Variants in GGA2 observed in about 807,000 individuals in gnomAD.
GGA2 encodes golgi associated, gamma adaptin ear containing, ARF binding protein 2, also known as ADP-ribosylation factor-binding protein GGA2.
GGA2 carries 48 observed loss-of-function variants against 79.5 expected under a neutral mutation model. The ratio of observed to expected loss-of-function variants is 0.60; its 90% CI spans 0.48 to 0.77. The LOEUF is 0.77. Ranked by LOEUF, GGA2 falls within the 30% of genes least tolerant of loss-of-function variation. The probability of loss-of-function intolerance (pLI) is 0.00; values close to 1 mark genes in which losing one functional copy is unlikely to be tolerated. For synonymous variants in GGA2, 317 were observed against 302.0 expected (o/e 1.05, Z -0.51); for missense variants, 770 against 774.0 (o/e 0.99, Z 0.06).
Position 23,491,765 on chromosome 16 carries a change from T to TC in GGA2, c.386dup (p.Arg130LysfsTer4), listed in dbSNP as rs1964791483. ...AACTGAAGAGTATTTCAATGACTCT[T>TC]CCTTTAACTTTTCCTGTGGCCCAGG... On this transcript the variant is annotated frameshift_variant, in exon 5 of 17. Coordinates refer to ENST00000309859, the MANE Select transcript of GGA2 (RefSeq NM_015044.4). LOFTEE classifies it high-confidence loss of function. 1.2e-6 allele frequency: 2 copies of TC among 1,612,576 alleles called. No individual in the cohort carries two copies. Among genetic ancestry groups the TC allele is most frequent in the South Asian group, 1.1e-5 (1 of 91,032 alleles).
At chr16:23,521,470 G>A (rs748032931) in intron 1 of GGA2, among the ~76,000 whole-genome samples, 1 of 151,504 alleles carries the variant, frequency 6.6e-6, no homozygotes, top group South Asian at 2.1e-4. Context: ...TGCATTCATA[G>A]CTCACTGCAG....
chr16:23,470,142 A>G lies in GGA2; in HGVS notation c.1474T>C (p.Tyr492His). The G allele has an allele frequency of 6.2e-7, 1 of 1,605,106 alleles. No homozygotes were observed. The highest frequency in any genetic ancestry group is 8.5e-7 in the Non-Finnish European group (1 of 1,176,492). Residue 492 changes from tyrosine to histidine, a missense_variant, in exon 15 of 17, where the codon TAT becomes CAT. By Grantham distance (83) the Tyr-to-His change is moderately conservative. Coordinates refer to ENST00000309859, the MANE Select transcript of GGA2 (RefSeq NM_015044.4). The part of the protein sequence containing the change: ...KPSSLPPLIV[Y>H]DRNGFRILLH... ...AGAATTCTGAATCCATTCCGGTCAT[A>G]CACAATGAGAGGCGGCAGGCTGCCT... is the stretch of plus-strand genomic sequence containing the variant.
intron 6 of GGA2, among the ~76,000 whole-genome samples, chr16:23,487,191 A>T (rs1964726450): frequency 6.6e-6 from 1 of 152,096 alleles, no homozygotes; most frequent in Non-Finnish European, 1.5e-5. Context: ...CATGTTGGCC[A>T]GGATGGTCTC....
At chr16:23,521,752 G>A (rs759940027) in intron 1 of GGA2, 6 of 449,462 alleles carry the variant, frequency 1.3e-5, no homozygotes, top group Non-Finnish European at 2.2e-5. Flanking sequence ...TACCAGAATC[G>A]ACTTAGTATT....
intron 1 of GGA2, among the ~76,000 whole-genome samples, chr16:23,507,397 A>G (rs180692556): frequency 1.3e-5 from 2 of 152,304 alleles, no homozygotes; most frequent in African/African-American, 4.8e-5. Context: ...GGAGGCCAAG[A>G]CTGGCAGATA....
In GGA2 at chr16:23,488,670, A is replaced by G; in HGVS notation, c.515T>C (p.Ile172Thr). 6.2e-7 allele frequency: 1 copy of G among 1,610,028 alleles called. No individual in the cohort carries two copies. ...GGGCCAGGGAGATGGTGGGGGTAAG[A>G]TTTTATCCACTGGTAGTTTAGGGTC... ...KQDPKLPVDK[I>T]LPPPSPWPKS... The change falls in exon 6 of 17, where the codon ATC becomes ACC. Residue 172 changes from isoleucine to threonine, a missense_variant. Transcript: ENST00000309859.
At chr16:23,469,806 T>C (rs113556190) in intron 15 of GGA2, among the ~76,000 whole-genome samples, 190 bp downstream of exon 15, 2 of 152,192 alleles carry the variant, frequency 1.3e-5, no homozygotes, top group East Asian at 1.9e-4. Context: ...TAAGAACCTA[T>C]TTGGATTCAC....
chr16:23,474,509 C>T (rs1231203192), intron 14 of GGA2, among the ~76,000 whole-genome samples: 1 of 152,132 alleles, frequency 6.6e-6, no homozygotes, highest in Non-Finnish European at 1.5e-5. Flanking sequence ...AGGCATGCAC[C>T]ACCATGTCCA....
At chr16:23,472,747 G>A (rs1396274417) in intron 14 of GGA2, among the ~76,000 whole-genome samples, 1 of 151,436 alleles carries the variant, frequency 6.6e-6, no homozygotes, top group Non-Finnish European at 1.5e-5. Context: ...AAAAAAGACT[G>A]AATAGGGCCG....
At chr16:23,511,316 CTA>C (rs1965057889), upstream of GGA2, among the ~76,000 whole-genome samples, 1 of 36,898 alleles carries the variant, frequency 2.7e-5, no homozygotes, top group South Asian at 6.5e-4. Context: ...CCACACCCAG[CTA>C]TTTTTTTTTT....
chr16:23,487,005 C>T (rs1964723411), intron 6 of GGA2, among the ~76,000 whole-genome samples: 1 of 82,118 alleles, frequency 1.2e-5, no homozygotes, highest in African/African-American at 3.9e-5. Context: ...TTTTTTGAGA[C>T]GGGGTCTTGC....
At chr16:23,489,952 G>A (rs1964762206) in intron 5 of GGA2, among the ~76,000 whole-genome samples, 2 of 152,150 alleles carry the variant, frequency 1.3e-5, no homozygotes, top group South Asian at 4.1e-4. Flanking sequence ...CTACACTGGG[G>A]TGAGGCAGGA....
intron 1 of GGA2, among the ~76,000 whole-genome samples, chr16:23,500,725 G>A (rs1286394612): frequency 6.6e-6 from 1 of 152,278 alleles, no homozygotes; most frequent in Non-Finnish European, 1.5e-5. Flanking sequence ...GCAGGCGGAG[G>A]TGGCAGTAGC....
chr16:23,501,926 C>T (rs543648562), intron 1 of GGA2, among the ~76,000 whole-genome samples: 6 of 152,250 alleles, frequency 3.9e-5, no homozygotes, highest in East Asian at 3.9e-4. Context: ...TTGAACAACT[C>T]TTGGGGAGAA....
At chr16:23,486,686 T>A (rs988308142) in intron 7 of GGA2, 24 bp downstream of exon 7, 3 of 1,391,806 alleles carry the variant, frequency 2.2e-6, no homozygotes, top group Non-Finnish European at 3.1e-6. Flanking sequence ...CTACTTCTAC[T>A]GAACCAACTG....
chr16:23,491,621 G>C (rs1171993289), intron 5 of GGA2, 56 bp downstream of exon 5: 1 of 1,550,042 alleles, frequency 6.5e-7, no homozygotes, highest in African/African-American at 1.4e-5. Flanking sequence ...AGATGAAAAA[G>C]CAAGAAGATA....
intron 3 of GGA2, chr16:23,494,100 G>T: frequency 1.7e-6 from 1 of 589,656 alleles, no homozygotes; most frequent in Non-Finnish European, 3.0e-6. Context: ...ACTCAATGCT[G>T]CCCTGAAGAA....
In GGA2 at chr16:23,478,475, T is replaced by C. The variant is rs1210783399; in HGVS notation, c.1185A>G (p.Glu395=). ...GMVSGQNCCE[E]KRNPSSSTLP... Reference sequence around the variant, plus strand: ...GCGTGCTGGAGGAGGGATTCCTCTTTTCCTCACAGCAATTCTGACCAGAAA... The same window carrying C: ...GCGTGCTGGAGGAGGGATTCCTCTTCTCCTCACAGCAATTCTGACCAGAAA... Residue 395 remains glutamate (E), a synonymous_variant, in exon 13 of 17, where the codon GAA becomes GAG. Transcript: ENST00000309859. The C allele has an allele frequency of 6.2e-7, 1 of 1,610,236 alleles. No homozygotes were observed. The highest frequency in any genetic ancestry group is 8.5e-7 in the Non-Finnish European group (1 of 1,177,436).
upstream of GGA2, chr16:23,524,301 TG>T: frequency 7.2e-7 from 1 of 1,390,448 alleles, no homozygotes; most frequent in Non-Finnish European, 1.0e-6. Flanking sequence ...GGCCTCCTTC[TG>T]GTCTCTGAAA....
Sources: gnomAD v4.1 joint callset for allele counts (sites outside exome capture counted in the v4.1 genomes callset) on GRCh38, gnomAD v4.1.1 for gene constraint, MANE v1.5 for transcripts, NCBI Gene and HGNC (gene_info 2026-07-23, HGNC 2026-07-21) for gene names.